The following UBE2S variants were observed in gnomAD, a reference collection of about 807,000 sequenced individuals.
UBE2S encodes ubiquitin conjugating enzyme E2 S.
Under a neutral mutation model 12.3 loss-of-function variants are expected in UBE2S, and 3 were observed. The observed-to-expected ratio is 0.24, with a 90% CI of 0.11 to 0.63. UBE2S has a LOEUF of 0.63. Ranked by LOEUF, UBE2S falls within the 30% of genes least tolerant of loss-of-function variation. UBE2S has a pLI of 0.85. For missense variants in UBE2S, 211 were observed against 313.9 expected (o/e 0.67, Z 2.48); for synonymous variants, 133 against 142.0 (o/e 0.94, Z 0.45).
rs954077353 is a variant in UBE2S at position 55,400,341 on chromosome 19, T to C, written c.*1095A>G. 3.9e-5 allele frequency: 6 copies of C among 152,216 alleles called. No homozygotes were observed. The highest frequency in any genetic ancestry group is 1.4e-4 in the African/African-American group (6 of 41,450). The allele number at this position is 152,216 out of a possible 1,614,324, so 9.4% of individuals were successfully genotyped here. ...CTATTTTTAATTTTTTTAAAATTAA[T>C]GAGACATTGGTCTAAATAACCTAAA... On this transcript the variant is annotated 3_prime_UTR_variant, in exon 4 of 4. Transcript: ENST00000264552.
chr19:55,404,052 C>G lies in UBE2S; in HGVS notation c.342+236G>C. On this transcript the variant is annotated intron_variant, in intron 3 of 3. Coordinates refer to ENST00000264552, the MANE Select transcript of UBE2S (RefSeq NM_014501.3). This position sits in a 1 kb window ranked among gnomAD's most constrained non-coding sequence, Gnocchi z 4.4. ...AGAAGAGAAAAACCATCCTACAATACAAACTCACCACTCGTTGCATAGTAA... is the reference window on the plus strand; with the variant it reads ...AGAAGAGAAAAACCATCCTACAATAGAAACTCACCACTCGTTGCATAGTAA... 1.9e-6 allele frequency: 1 copy of G among 539,234 alleles called. No individual in the cohort carries two copies. Among genetic ancestry groups the G allele is most frequent in the Non-Finnish European group, 3.3e-6 (1 of 303,790 alleles). The allele number at this position is 539,234 out of a possible 1,614,324, so 33.4% of individuals were successfully genotyped here. A position where few individuals can be genotyped will look rare whatever the true frequency, so the allele number is the denominator to read the frequency against.
At chr19:55,405,907 C>T (rs2123316018) in intron 2 of UBE2S, among the ~76,000 whole-genome samples, 1 of 152,318 alleles carries the variant, frequency 6.6e-6, no homozygotes, top group Non-Finnish European at 1.5e-5. Context: ...ATCCCATCTC[C>T]AAGGCTAGCT....
In UBE2S at chr19:55,399,781, A is replaced by C. The variant is rs2090044221; in HGVS notation, c.*1655T>G. 1 of 152,190 alleles carries C rather than the reference A, an allele frequency of 6.6e-6. No individual in the cohort carries two copies. Among genetic ancestry groups the C allele is most frequent in the African/African-American group, 2.4e-5 (1 of 41,430 alleles). The allele number at this position is 152,190 out of a possible 1,614,324, so 9.4% of individuals were successfully genotyped here. On this transcript the variant is annotated 3_prime_UTR_variant, in exon 4 of 4. Coordinates refer to ENST00000264552, the MANE Select transcript of UBE2S (RefSeq NM_014501.3). ...ATTATTTTTATTATGCACTTCGCTA[A>C]ATTATTTCAGTGGGTTCCGAGGCCC...
In UBE2S at chr19:55,400,581, G is replaced by C. The variant is rs981288173; in HGVS notation, c.*855C>G. 1 of 152,246 alleles carries C rather than the reference G, an allele frequency of 6.6e-6. No individual in the cohort carries two copies. The highest frequency in any genetic ancestry group is 2.4e-5 in the African/African-American group (1 of 41,454). The allele number at this position is 152,246 out of a possible 1,614,324, so 9.4% of individuals were successfully genotyped here. On this transcript the variant is annotated 3_prime_UTR_variant, in exon 4 of 4. Transcript: ENST00000264552. ...ACCTGCCAGGGCCCAAGGAGGGGCA[G>C]CTTCTTGGAGCTAAGACCCTAGTTC... is the stretch of plus-strand genomic sequence containing the variant.
intron 2 of UBE2S, among the ~76,000 whole-genome samples, chr19:55,405,870 G>A (rs1195181051): frequency 6.6e-6 from 1 of 152,084 alleles, no homozygotes; most frequent in Non-Finnish European, 1.5e-5. Flanking sequence ...CCTGAGCACC[G>A]GCCTGCTAGG....
At chr19:55,406,358 G>A (rs551164732) in intron 2 of UBE2S, among the ~76,000 whole-genome samples, 3 of 152,228 alleles carry the variant, frequency 2.0e-5, no homozygotes, top group Non-Finnish European at 1.5e-5. Context: ...AAATCACTCC[G>A]CAAATCATGT....
chr19:55,406,392 G>A (rs1050390065), intron 2 of UBE2S, among the ~76,000 whole-genome samples: 5 of 152,102 alleles, frequency 3.3e-5, no homozygotes, highest in African/African-American at 1.2e-4. Flanking sequence ...TTCATGACCC[G>A]TCTCCCCACG....
rs1447648874 is a variant in UBE2S, at chr19:55,401,095, G to A, written c.*341C>T. 3 of 327,698 alleles carry A rather than the reference G, an allele frequency of 9.2e-6. No individual in the cohort carries two copies. In the Admixed American group the frequency reaches 1.4e-4, roughly 15 times the overall value. The allele number at this position is 327,698 out of a possible 1,614,324, so 20.3% of individuals were successfully genotyped here. On this transcript the variant is annotated 3_prime_UTR_variant, in exon 4 of 4. Coordinates refer to ENST00000264552, the MANE Select transcript of UBE2S (RefSeq NM_014501.3). ...AAATCTGACTCCAAAGAGGGGTTGTGACCGCTCTACCTCCACAGAACAAAG... is the reference window on the plus strand; with the variant it reads ...AAATCTGACTCCAAAGAGGGGTTGTAACCGCTCTACCTCCACAGAACAAAG...
At chr19:55,402,072 G>T (rs933150172) in intron 3 of UBE2S, among the ~76,000 whole-genome samples, 1 of 152,200 alleles carries the variant, frequency 6.6e-6, no homozygotes, top group Admixed American at 6.5e-5. Context: ...CCTCTCAGGA[G>T]TCCATTACTT....
Position 55,400,180 on chromosome 19 carries a change from T to C in UBE2S, c.*1256A>G, listed in dbSNP as rs2090046687. 6.6e-6 allele frequency: 1 copy of C among 152,196 alleles called. No individual in the cohort carries two copies. Among genetic ancestry groups the C allele is most frequent in the South Asian group, 2.1e-4 (1 of 4,836 alleles). 9.4% of individuals were successfully genotyped at this position (152,196 alleles called of 1,614,324 possible). A position where few individuals can be genotyped will look rare whatever the true frequency, so the allele number is the denominator to read the frequency against. ...TCCTATGGGTCAGAACTTGTAGATT[T>C]TTATTGTAAATGTATTTTACTTTTT... On this transcript the variant is annotated 3_prime_UTR_variant, in exon 4 of 4. Coordinates refer to ENST00000264552, the MANE Select transcript of UBE2S (RefSeq NM_014501.3).
chr19:55,403,807 C>G (rs1306593032), intron 3 of UBE2S: 2 of 158,858 alleles, frequency 1.3e-5, no homozygotes, highest in African/African-American at 4.9e-5. Context: ...GTGGCGCGAT[C>G]TCGGCTCACT....
Position 55,401,591 on chromosome 19 carries a change from C to A in UBE2S, c.514G>T (p.Ala172Ser). The change falls in exon 4 of 4, where the codon GCC becomes TCC. Residue 172 changes from alanine to serine, a missense_variant. By Grantham distance (99) the Ala-to-Ser change is moderately conservative. Transcript: ENST00000264552. Reference sequence around the variant, plus strand: ...GTGGAGGAAGCTTCAGTGCCACTGGCCAGGGCCCGACCGGCTTCGGCCCTG... The same window carrying A: ...GTGGAGGAAGCTTCAGTGCCACTGGACAGGGCCCGACCGGCTTCGGCCCTG... ...SGRAEAGRALASGTEASSTDP... is the reference protein window; with the variant it reads ...SGRAEAGRALSSGTEASSTDP... 6.2e-7 allele frequency: 1 copy of A among 1,608,534 alleles called. No individual in the cohort carries two copies.
rs1280364094 is a variant in UBE2S, at chr19:55,399,797, T to TA, written c.*1638_*1639insT. On this transcript the variant is annotated 3_prime_UTR_variant, in exon 4 of 4. Transcript: ENST00000264552. ...ACTTCGCTAAATTATTTCAGTGGGTTCCGAGGCCCAGGATGCAGGCACCTT... is the reference window on the plus strand; with the variant it reads ...ACTTCGCTAAATTATTTCAGTGGGTTACCGAGGCCCAGGATGCAGGCACCTT... 6.6e-6 allele frequency: 1 copy of TA among 152,228 alleles called. No individual in the cohort carries two copies. The highest frequency in any genetic ancestry group is 2.4e-5 in the African/African-American group (1 of 41,466). 9.4% of individuals were successfully genotyped at this position (152,228 alleles called of 1,614,324 possible).
At chr19:55,406,111 C>G (rs2090094788) in intron 2 of UBE2S, among the ~76,000 whole-genome samples, 1 of 152,160 alleles carries the variant, frequency 6.6e-6, no homozygotes, top group Non-Finnish European at 1.5e-5. Context: ...GTGTTTTTAC[C>G]AAGCGCCCAG....
chr19:55,401,414 G>A lies in UBE2S; in HGVS notation c.*22C>T, dbSNP rs950506715. ...GGGGACAGGAGAGGTTGGGGTCACG[G>A]TGGAAGGAGGAAGAGAGCCCACTAC... On this transcript the variant is annotated 3_prime_UTR_variant, in exon 4 of 4. Coordinates refer to ENST00000264552, the MANE Select transcript of UBE2S (RefSeq NM_014501.3). The A allele has an allele frequency of 1.9e-6, 3 of 1,554,080 alleles. No individual in the cohort carries two copies. In the African/African-American group the frequency reaches 4.1e-5, roughly 21 times the overall value.
chr19:55,403,729 T>C (rs1042648553), intron 3 of UBE2S, among the ~76,000 whole-genome samples: 2 of 136,960 alleles, frequency 1.5e-5, no homozygotes, highest in African/African-American at 5.9e-5. Context: ...ATTCCTGTTT[T>C]ATTTTTTATC....
chr19:55,402,841 C>G (rs1486803625), intron 3 of UBE2S: 84 of 976,018 alleles, frequency 8.6e-5, no homozygotes, highest in Non-Finnish European at 1.2e-4. Flanking sequence ...CCTTGGAGCT[C>G]AATCCTCTCC....
At chr19:55,401,808 G>A (rs755954943) in intron 3 of UBE2S, 46 bp from the exon 4 acceptor site, 2 of 1,603,472 alleles carry the variant, frequency 1.2e-6, no homozygotes, top group Non-Finnish European at 1.7e-6. Context: ...CAACCTACAG[G>A]GACCCCCAGG....
At chr19:55,403,400 G>T in intron 3 of UBE2S, 2 of 369,366 alleles carry the variant, frequency 5.4e-6, no homozygotes, top group East Asian at 8.9e-5. Flanking sequence ...GAGGCAGGAA[G>T]ATCACCTGAG....
Sources: gnomAD v4.1 joint callset for allele counts (sites outside exome capture counted in the v4.1 genomes callset) on GRCh38, gnomAD v4.1.1 for gene constraint, Gnocchi (gnomAD v3.1) non-coding constraint, MANE v1.5 for transcripts, NCBI Gene and HGNC (gene_info 2026-07-23, HGNC 2026-07-21) for gene names.